The following PLXDC2 variants were observed in gnomAD, a reference collection of about 807,000 sequenced individuals.
The protein encoded by PLXDC2 is plexin domain-containing protein 2.
In PLXDC2, 40 loss-of-function variants were observed where a neutral mutation model predicts 68.9. The ratio of observed to expected loss-of-function variants is 0.58; its 90% CI spans 0.45 to 0.76. The LOEUF (loss-of-function observed/expected upper bound fraction) is 0.76, where lower values mean the gene tolerates loss of function less well. Among genes scored for constraint, PLXDC2 ranks in the 30% least tolerant of loss-of-function variants. PLXDC2 has a pLI of 0.00. For synonymous variants in PLXDC2, 243 were observed against 234.2 expected, an observed-to-expected ratio of 1.04 and a Z score of -0.34; for missense variants, 644 against 661.9, an observed-to-expected ratio of 0.97 and a Z score of 0.30.
In PLXDC2 at chr10:20,085,958, T is replaced by G. The variant is rs375194833; in HGVS notation, c.541+17719T>G. On this transcript the variant is annotated intron_variant, in intron 4 of 13. Coordinates refer to ENST00000377252, the MANE Select transcript of PLXDC2 (RefSeq NM_032812.9). ...GCCTATAAATGGTAAAAGGAAAAAC[T>G]AAGCCACTACTCATCCCTCAATAGA... 3.3e-5 allele frequency among the ~76,000 whole-genome samples: 5 copies of G among 152,246 alleles called. No individual in the cohort carries two copies. In the East Asian group the frequency reaches 7.7e-4, roughly 23 times the overall value.
chr10:20,234,298 C>G (rs1195460356), intron 12 of PLXDC2, among the ~76,000 whole-genome samples: 1 of 152,162 alleles, frequency 6.6e-6, no homozygotes, highest in Non-Finnish European at 1.5e-5. Flanking sequence ...CAGGTCAGGA[C>G]CAGTGCGCAC....
At chr10:20,027,759 C>T (rs1442840530) in intron 2 of PLXDC2, among the ~76,000 whole-genome samples, 1 of 150,760 alleles carries the variant, frequency 6.6e-6, no homozygotes, top group African/African-American at 2.4e-5. Context: ...TATGAAGATT[C>T]CATATTTATA....
chr10:20,194,645 A>G (rs1834813517), intron 9 of PLXDC2, among the ~76,000 whole-genome samples: 1 of 151,692 alleles, frequency 6.6e-6, no homozygotes, highest in Non-Finnish European at 1.5e-5. Context: ...TTTTATATAT[A>G]TATATTATAC....
chr10:20,222,071 T>C (rs967836496), intron 12 of PLXDC2, among the ~76,000 whole-genome samples: 1 of 152,226 alleles, frequency 6.6e-6, no homozygotes, highest in East Asian at 1.9e-4. Flanking sequence ...TGGTGACTAA[T>C]TGGCTGTTCT....
At chr10:19,959,276 T>C (rs537248117) in intron 1 of PLXDC2, among the ~76,000 whole-genome samples, 2 of 152,276 alleles carry the variant, frequency 1.3e-5, no homozygotes, top group African/African-American at 4.8e-5. Flanking sequence ...ATACCTGGAA[T>C]GATTGTCTTG....
At chr10:20,187,477 T>C (rs1315508563) in intron 9 of PLXDC2, among the ~76,000 whole-genome samples, 2 of 151,856 alleles carry the variant, frequency 1.3e-5, no homozygotes, top group Non-Finnish European at 1.5e-5. Context: ...TTAGTATGTC[T>C]TGGTGTTAGG....
At chr10:19,836,059 C>T (rs988009270) in intron 1 of PLXDC2, among the ~76,000 whole-genome samples, 6 of 151,898 alleles carry the variant, frequency 4.0e-5, no homozygotes, top group Admixed American at 2.6e-4. Flanking sequence ...CATCTGTGGT[C>T]CCAGCTACAC....
At chr10:20,207,101 G>A (rs1488800289) in intron 9 of PLXDC2, among the ~76,000 whole-genome samples, 2 of 151,988 alleles carry the variant, frequency 1.3e-5, no homozygotes, top group Non-Finnish European at 2.9e-5. Context: ...CATTTTTAAG[G>A]CACTATATGC....
intron 13 of PLXDC2, among the ~76,000 whole-genome samples, chr10:20,247,228 G>A (rs1189703155): frequency 2.0e-5 from 3 of 151,456 alleles, no homozygotes; most frequent in African/African-American, 4.9e-5. Context: ...GGGAAGCTGA[G>A]GCAGACAGAT....
At chr10:20,119,661 A>G (rs1833669876) in intron 4 of PLXDC2, among the ~76,000 whole-genome samples, 1 of 152,018 alleles carries the variant, frequency 6.6e-6, no homozygotes, top group Non-Finnish European at 1.5e-5. Context: ...AAGTGTTGGG[A>G]CAGCGAAAAT....
intron 6 of PLXDC2, among the ~76,000 whole-genome samples, chr10:20,162,253 A>C (rs1269011255): frequency 6.6e-6 from 1 of 152,220 alleles, no homozygotes; most frequent in Non-Finnish European, 1.5e-5. Context: ...TGCAGGAACC[A>C]AGACATGTGA....
chr10:19,986,536 T>C, intron 1 of PLXDC2, among the ~76,000 whole-genome samples: 1 of 134,582 alleles, frequency 7.4e-6, no homozygotes, highest in South Asian at 2.6e-4. Flanking sequence ...TGTTGATGGC[T>C]TAAAAAAAAA....
chr10:20,134,749 A>G (rs1166133644), intron 4 of PLXDC2, among the ~76,000 whole-genome samples: 1 of 151,852 alleles, frequency 6.6e-6, no homozygotes, highest in Non-Finnish European at 1.5e-5. Context: ...GCCTGGAGCC[A>G]TGGGGGCCAG....
chr10:20,150,811 C>T (rs1834143008), intron 6 of PLXDC2, among the ~76,000 whole-genome samples: 1 of 152,168 alleles, frequency 6.6e-6, no homozygotes, highest in East Asian at 1.9e-4. Context: ...TCTCACATTG[C>T]AGAATTCTTC....
At chr10:20,039,407 A>G (rs1359447616) in intron 2 of PLXDC2, among the ~76,000 whole-genome samples, 1 of 152,212 alleles carries the variant, frequency 6.6e-6, no homozygotes, top group Non-Finnish European at 1.5e-5. Flanking sequence ...TACAGCAGTT[A>G]AGTTATCGAA....
intron 4 of PLXDC2, among the ~76,000 whole-genome samples, chr10:20,090,449 C>T (rs10764201): frequency 0.64 from 97,418 of 151,956 alleles, 32,898 homozygotes; most frequent in East Asian, 1. Context: ...TGCAGGGAGA[C>T]GAGTTGTGGA....
chr10:19,831,886 G>C (rs886327431), intron 1 of PLXDC2, among the ~76,000 whole-genome samples: 1 of 152,088 alleles, frequency 6.6e-6, no homozygotes, highest in East Asian at 1.9e-4. Flanking sequence ...TGCAATGCAT[G>C]TCTGCATGCA....
rs550015063 is a variant in PLXDC2, at chr10:20,087,483, C to T, written c.541+19244C>T. ...TTTGCCTTCCACGGAGAGTAACTTC[C>T]AGCCAATAAATACTGATGTTGTCCA... On this transcript the variant is annotated intron_variant, in intron 4 of 13. Coordinates refer to ENST00000377252, the MANE Select transcript of PLXDC2 (RefSeq NM_032812.9). Among the ~76,000 whole-genome samples, 12 of 152,264 alleles carry T rather than the reference C, an allele frequency of 7.9e-5. No homozygotes were observed. The East Asian group carries it at 2.1e-3, about 27-fold the overall frequency.
intron 12 of PLXDC2, among the ~76,000 whole-genome samples, chr10:20,238,675 A>ATATATACACACATATATATG (rs1158050812): frequency 7.8e-6 from 1 of 128,754 alleles, no homozygotes; most frequent in Non-Finnish European, 1.6e-5. Context: ...ATATATATAT[A>ATATATACACACATATATATG]TGTATATATA....
Sources: gnomAD v4.1 joint callset for allele counts (sites outside exome capture counted in the v4.1 genomes callset) on GRCh38, gnomAD v4.1.1 for gene constraint, MANE v1.5 for transcripts, NCBI Gene and HGNC (gene_info 2026-07-23, HGNC 2026-07-21) for gene names.